NRK: variants seen among roughly 807,000 people sequenced by gnomAD.
NRK encodes nik-related protein kinase.
In NRK, 67 loss-of-function variants were observed where a neutral mutation model predicts 125.2. That is an observed-to-expected ratio of 0.54 (90% CI 0.44 to 0.66). NRK has a LOEUF of 0.66. Ranked by LOEUF, NRK falls within the 30% of genes least tolerant of loss-of-function variation. The pLI, the probability that NRK is intolerant of heterozygous loss-of-function variation, is 0.00. For missense variants in NRK, 1,224 were observed against 1,192.9 expected (o/e 1.03, Z -0.38); for synonymous variants, 458 against 429.0 (o/e 1.07, Z -0.84).
intron 2 of NRK, among the ~76,000 whole-genome samples, chrX:105,872,910 G>T (rs1259877099): frequency 9.0e-6 from 1 of 110,750 alleles, no homozygotes; most frequent in East Asian, 2.9e-4. Context: ...GTACTCCCAG[G>T]TGCTGTTTAC....
intron 2 of NRK, among the ~76,000 whole-genome samples, chrX:105,843,977 C>CTGTGTGTGTGTGTGTGTGTGTGTGTG (rs751188822): frequency 1.0e-4 from 9 of 87,347 alleles, no homozygotes; most frequent in South Asian, 5.9e-4. Flanking sequence ...GTCCTGCACT[C>CTGTGTGTGTGTGTGTGTGTGTGTGTG]TGTGTGTGTG....
intron 1 of NRK, 95 bp downstream of exon 1, chrX:105,822,997 A>G: frequency 1.2e-6 from 1 of 807,615 alleles, no homozygotes; most frequent in Non-Finnish European, 1.7e-6. Flanking sequence ...AACGGGCTAG[A>G]CCAGGACTTC....
intron 2 of NRK, among the ~76,000 whole-genome samples, chrX:105,832,088 C>G (rs765332807): frequency 9.0e-6 from 1 of 111,336 alleles, no homozygotes; most frequent in Non-Finnish European, 1.9e-5. Flanking sequence ...ACCAGTCCCC[C>G]ACAGATACTG....
chrX:105,828,971 T>A (rs1490598852), intron 1 of NRK, among the ~76,000 whole-genome samples: 1 of 112,121 alleles, frequency 8.9e-6, no homozygotes, highest in Non-Finnish European at 1.9e-5. Context: ...ACTAAGCTGC[T>A]AGGCTGCTGC....
chrX:105,947,171 C>T (rs1375213201), intron 26 of NRK, among the ~76,000 whole-genome samples: 3 of 87,137 alleles, frequency 3.4e-5, no homozygotes, highest in Non-Finnish European at 6.3e-5. Flanking sequence ...TTGTGAAATA[C>T]GGTGCAACAC....
intron 26 of NRK, among the ~76,000 whole-genome samples, chrX:105,948,121 A>G (rs1426143359): frequency 1.8e-5 from 2 of 111,187 alleles, no homozygotes; most frequent in Admixed American, 9.6e-5. Flanking sequence ...TTAAGAAGCT[A>G]GTGCAGTATT....
At chrX:105,850,798 A>G (rs933527485) in intron 2 of NRK, among the ~76,000 whole-genome samples, 2 of 112,211 alleles carry the variant, frequency 1.8e-5, no homozygotes, top group African/African-American at 3.2e-5. Context: ...TTCATTGTCC[A>G]TATCACTGTC....
intron 1 of NRK, among the ~76,000 whole-genome samples, chrX:105,824,848 T>G (rs2039072898): frequency 9.0e-6 from 1 of 111,503 alleles, no homozygotes; most frequent in Non-Finnish European, 1.9e-5. Flanking sequence ...ATACAAAACT[T>G]CAGGACATTG....
Position 105,942,700 on chromosome X carries a change from C to A in NRK, c.3959-1241C>A, listed in dbSNP as rs770991590. On this transcript the variant is annotated intron_variant, in intron 23 of 28. Transcript: ENST00000243300. Reference sequence around the variant, plus strand: ...GTGGAGTGATCTCAGATCACTGCAACCTCCACCTCCCAGGTTCAAGATATT... The same window carrying A: ...GTGGAGTGATCTCAGATCACTGCAAACTCCACCTCCCAGGTTCAAGATATT... Among the ~76,000 whole-genome samples the A allele has an allele frequency of 1.4e-3, 156 of 111,521 alleles. 1 individual carries two copies. Among genetic ancestry groups the A allele is most frequent in the Non-Finnish European group, 2.1e-3 (109 of 53,120 alleles).
chrX:105,954,284 A>G (rs774759988), intron 28 of NRK, among the ~76,000 whole-genome samples: 5 of 111,047 alleles, frequency 4.5e-5, no homozygotes, highest in African/African-American at 1.6e-4. Flanking sequence ...CTGTTTTCAT[A>G]TACACTTAAA....
At chrX:105,919,370 A>G (rs1162063998) in intron 16 of NRK, among the ~76,000 whole-genome samples, 1 of 111,587 alleles carries the variant, frequency 9.0e-6, no homozygotes. Context: ...TAATCTCCAA[A>G]CCAGATACAT....
rs1425557533 is a variant in NRK at position 105,946,386 on chromosome X, T to C, written c.4275T>C (p.Ile1425=). The C allele has an allele frequency of 7.5e-6, 9 of 1,192,829 alleles. No individual in the cohort carries two copies. The highest frequency in any genetic ancestry group is 8.0e-6 in the Non-Finnish European group (7 of 879,739). Reference sequence around the variant, plus strand: ...TTGGTTCTGAAAAAAGACTAAAGATTTTCTTCAGCTCAGCAGATGGATATC... The same window carrying C: ...TTGGTTCTGAAAAAAGACTAAAGATCTTCTTCAGCTCAGCAGATGGATATC... ...LAIGSEKRLK[I]FFSSADGYHL... The change falls in exon 26 of 29, where the codon ATT becomes ATC. Residue 1425 remains isoleucine, a synonymous_variant. Transcript: ENST00000243300.
In NRK at chrX:105,831,207, AAAT is replaced by A. The variant is rs1232704890; in HGVS notation, c.123+90_123+92del. 1.1e-5 allele frequency: 6 copies of A among 562,077 alleles called. No individual in the cohort carries two copies. In the Admixed American group the frequency reaches 1.8e-4, roughly 17 times the overall value. 46.3% of individuals were successfully genotyped at this position (562,077 alleles called of 1,213,427 possible). A position where few individuals can be genotyped will look rare whatever the true frequency, so the allele number is the denominator to read the frequency against. ...AGACACTGCAAATCACATAATGCCAAAATATGGCATTTCACTTTGAGAGAGAAA... is the reference window on the plus strand; with the variant it reads ...AGACACTGCAAATCACATAATGCCAAATGGCATTTCACTTTGAGAGAGAAA... On this transcript the variant is annotated intron_variant, in intron 2 of 28. Transcript: ENST00000243300.
In NRK at chrX:105,900,673, G is replaced by C; in HGVS notation, c.766+1G>C. 1 of 1,098,671 alleles carries C rather than the reference G, an allele frequency of 9.1e-7. No individual in the cohort carries two copies. Among genetic ancestry groups the C allele is most frequent in the Non-Finnish European group, 1.3e-6 (1 of 797,027 alleles). The allele number at this position is 1,098,671 out of a possible 1,213,427, so 90.5% of individuals were successfully genotyped here. A position where few individuals can be genotyped will look rare whatever the true frequency, so the allele number is the denominator to read the frequency against. On this transcript the variant is annotated splice_donor_variant, in intron 9 of 28. Coordinates refer to ENST00000243300, the MANE Select transcript of NRK (RefSeq NM_198465.4). LOFTEE classifies it high-confidence loss of function. ...ATTGAAATGGCTGAAGGAGCCCCTCGTGAGTAAAAAATGTTTGATATTTGT... is the reference window on the plus strand; with the variant it reads ...ATTGAAATGGCTGAAGGAGCCCCTCCTGAGTAAAAAATGTTTGATATTTGT...
intron 1 of NRK, 73 bp from the exon 2 acceptor site, chrX:105,830,981 T>C: frequency 1.6e-6 from 1 of 629,077 alleles, no homozygotes; most frequent in Non-Finnish European, 2.6e-6. Flanking sequence ...AGTATATATA[T>C]TAAAAAAAAG....
chrX:105,885,006 G>C (rs1413247796), intron 4 of NRK, among the ~76,000 whole-genome samples: 3 of 111,293 alleles, frequency 2.7e-5, no homozygotes, highest in Non-Finnish European at 5.7e-5. Context: ...GGCCAGGCTG[G>C]TCTCAAACTC....
At chrX:105,865,112 C>A (rs1285055531) in intron 2 of NRK, among the ~76,000 whole-genome samples, 1 of 111,767 alleles carries the variant, frequency 8.9e-6, no homozygotes, top group Non-Finnish European at 1.9e-5. Context: ...ACTTGTTGCA[C>A]CCCTTAGCAG....
rs1357535698 is a variant in NRK at position 105,932,868 on chromosome X, C to T, written c.3313-1390C>T. Among the ~76,000 whole-genome samples the T allele has an allele frequency of 2.7e-5, 3 of 111,267 alleles. No individual in the cohort carries two copies. The South Asian group carries it at 1.2e-3, about 43-fold the overall frequency. On this transcript the variant is annotated intron_variant, in intron 19 of 28. Coordinates refer to ENST00000243300, the MANE Select transcript of NRK (RefSeq NM_198465.4). ...ATATCCCTTCCTTTCTACTTACAAA[C>T]CTTTTGTCCATAGTTCCAATTTAGT...
chrX:105,835,738 A>G (rs1189849862), intron 2 of NRK, among the ~76,000 whole-genome samples: 1 of 109,605 alleles, frequency 9.1e-6, no homozygotes, highest in Non-Finnish European at 1.9e-5. Context: ...ATTCATGAAA[A>G]GGAAAGGAAC....
Sources: allele counts gnomAD v4.1 joint callset (sites outside exome capture counted in the v4.1 genomes callset), GRCh38; gene constraint gnomAD v4.1.1; transcripts MANE v1.5; gene names NCBI Gene and HGNC (gene_info 2026-07-23, HGNC 2026-07-21).